The following KCNH8 variants were observed in gnomAD, a reference collection of about 807,000 sequenced individuals.
KCNH8 encodes the protein potassium voltage-gated channel subfamily H member 8.
A neutral mutation model predicts 103.6 loss-of-function variants in KCNH8; 70 were observed. The observed-to-expected ratio is 0.68, with a 90% CI of 0.56 to 0.82. The LOEUF (loss-of-function observed/expected upper bound fraction) is 0.82. KCNH8 is among the 40% of genes least tolerant of loss of function. The pLI is 0.00. For synonymous variants in KCNH8, 498 were observed against 489.4 expected (o/e 1.02, Z -0.23); for missense variants, 1,217 against 1,329.9 (o/e 0.92, Z 1.32).
chr3:19,167,430 T>G (rs1016768736), intron 1 of KCNH8, among the ~76,000 whole-genome samples: 12 of 152,340 alleles, frequency 7.9e-5, no homozygotes, highest in African/African-American at 2.9e-4. Flanking sequence ...AAAATGAAGA[T>G]TCCTCTTTCA....
intron 1 of KCNH8, among the ~76,000 whole-genome samples, chr3:19,182,913 A>AT (rs1405240656): frequency 6.6e-6 from 1 of 152,252 alleles, no homozygotes; most frequent in African/African-American, 2.4e-5. Context: ...AGTTTTGGGC[A>AT]TTTTGTTACA....
At chr3:19,434,030 A>G (rs551498753) in intron 7 of KCNH8, among the ~76,000 whole-genome samples, 2 of 152,200 alleles carry the variant, frequency 1.3e-5, no homozygotes, top group South Asian at 4.1e-4. Context: ...AATGTGCTTG[A>G]TAACATAAGA....
At chr3:19,436,663 C>T (rs1332606400) in intron 7 of KCNH8, among the ~76,000 whole-genome samples, 1 of 152,082 alleles carries the variant, frequency 6.6e-6, no homozygotes, top group Non-Finnish European at 1.5e-5. Flanking sequence ...AAAGAGATAT[C>T]AACAAAATTA....
chr3:19,193,378 T>C (rs2063571395), intron 1 of KCNH8, among the ~76,000 whole-genome samples: 1 of 151,644 alleles, frequency 6.6e-6, no homozygotes. Context: ...GTCATGCCAT[T>C]CTCTCCCTTT....
chr3:19,155,528 G>T (rs1467133572), intron 1 of KCNH8, among the ~76,000 whole-genome samples: 4 of 152,056 alleles, frequency 2.6e-5, no homozygotes, highest in Non-Finnish European at 4.4e-5. Flanking sequence ...AGAGCCATCC[G>T]TTGGCTCCCT....
intron 1 of KCNH8, among the ~76,000 whole-genome samples, chr3:19,206,934 A>C (rs2063722749): frequency 6.6e-6 from 1 of 152,068 alleles, no homozygotes; most frequent in Non-Finnish European, 1.5e-5. Context: ...AAAGACAGGG[A>C]GACTGGAGGA....
chr3:19,255,978 G>A (rs1488377458), intron 2 of KCNH8, among the ~76,000 whole-genome samples: 1 of 152,078 alleles, frequency 6.6e-6, no homozygotes, highest in Non-Finnish European at 1.5e-5. Flanking sequence ...TTGCATTTCT[G>A]TCTTGTTTGA....
intron 1 of KCNH8, among the ~76,000 whole-genome samples, chr3:19,155,751 C>A (rs905184658): frequency 2.0e-5 from 3 of 152,206 alleles, no homozygotes; most frequent in Non-Finnish European, 4.4e-5. Flanking sequence ...CAAACTCCTT[C>A]TCTGAGGCTC....
chr3:19,239,593 G>A (rs186435872), intron 1 of KCNH8, among the ~76,000 whole-genome samples: 60 of 151,974 alleles, frequency 3.9e-4, no homozygotes, highest in African/African-American at 1.4e-3. Flanking sequence ...TTAGAAACTA[G>A]TCTAGAATTA....
At chr3:19,483,315 A>C (rs1469938340) in intron 11 of KCNH8, among the ~76,000 whole-genome samples, 1 of 152,062 alleles carries the variant, frequency 6.6e-6, no homozygotes, top group African/African-American at 2.4e-5. Context: ...TTTTTGTGTG[A>C]TTTGAACTCC....
intron 3 of KCNH8, among the ~76,000 whole-genome samples, chr3:19,297,077 A>G (rs922721105): frequency 2.0e-5 from 3 of 152,184 alleles, no homozygotes; most frequent in Non-Finnish European, 4.4e-5. Flanking sequence ...TGAGATAGAC[A>G]CTTGAGAGTA....
At chr3:19,281,371 T>C in intron 3 of KCNH8, 42 bp downstream of exon 3, 1 of 1,537,374 alleles carries the variant, frequency 6.5e-7, no homozygotes, top group Non-Finnish European at 8.7e-7. Context: ...TGGAGTAACA[T>C]TTTGAAATTG....
intron 11 of KCNH8, among the ~76,000 whole-genome samples, chr3:19,504,409 G>C (rs1254743992): frequency 6.6e-6 from 1 of 151,554 alleles, no homozygotes; most frequent in African/African-American, 2.4e-5. Context: ...CAGAGTGGTA[G>C]AAAATTTTTG....
intron 3 of KCNH8, among the ~76,000 whole-genome samples, chr3:19,331,525 T>C (rs978915985): frequency 6.6e-6 from 1 of 152,028 alleles, no homozygotes; most frequent in African/African-American, 2.4e-5. Flanking sequence ...TCTCTTGACC[T>C]CATGATCTGC....
intron 2 of KCNH8, among the ~76,000 whole-genome samples, chr3:19,256,907 C>A (rs191140690): frequency 1.9e-3 from 292 of 152,178 alleles, no homozygotes; most frequent in Non-Finnish European, 3.0e-3. Flanking sequence ...TTAGGCTAAT[C>A]ATACTGCATT....
In KCNH8 at chr3:19,252,522, T is replaced by TG. The variant is rs143744301; in HGVS notation, c.77-1129dup. On this transcript the variant is annotated intron_variant, in intron 1 of 15. Coordinates refer to ENST00000328405, the MANE Select transcript of KCNH8 (RefSeq NM_144633.3). ...CTCCTGTCTCAGCCTCCTGAGTAGC[T>TG]GGGATTACAGGGGCCCACCACCATG... Among the ~76,000 whole-genome samples, 173 of 152,150 alleles carry TG rather than the reference T, an allele frequency of 1.1e-3. No individual in the cohort carries two copies. In the East Asian group the frequency reaches 0.028, roughly 25 times the overall value.
intron 1 of KCNH8, among the ~76,000 whole-genome samples, chr3:19,240,879 T>C (rs1032164578): frequency 1.3e-5 from 2 of 152,142 alleles, no homozygotes; most frequent in African/African-American, 2.4e-5. Flanking sequence ...TCAGCTCTTC[T>C]AAAAATGCCT....
intron 15 of KCNH8, among the ~76,000 whole-genome samples, chr3:19,528,349 T>C (rs1270464798): frequency 6.6e-6 from 1 of 151,986 alleles, no homozygotes; most frequent in African/African-American, 2.4e-5. Flanking sequence ...AATCAGTCAT[T>C]GGGGGAAATT....
intron 7 of KCNH8, among the ~76,000 whole-genome samples, chr3:19,428,947 T>C (rs372311125): frequency 6.6e-6 from 1 of 152,118 alleles, no homozygotes; most frequent in Non-Finnish European, 1.5e-5. Flanking sequence ...ATCTACTTCT[T>C]ATTTTTCAAA....
Sources: gnomAD v4.1 joint callset for allele counts (sites outside exome capture counted in the v4.1 genomes callset) on GRCh38, gnomAD v4.1.1 for gene constraint, MANE v1.5 for transcripts, NCBI Gene and HGNC (gene_info 2026-07-23, HGNC 2026-07-21) for gene names.